ZNF804A: variants seen among roughly 807,000 people sequenced by gnomAD.
ZNF804A encodes zinc finger protein 804A.
ZNF804A carries 2 observed loss-of-function variants against 16.5 expected under a neutral mutation model. The ratio of observed to expected loss-of-function variants is 0.12; its 90% CI spans 0.05 to 0.38. ZNF804A has a LOEUF of 0.38. Among genes scored for constraint, ZNF804A ranks in the 10% least tolerant of loss-of-function variants. The pLI is 0.99. For synonymous variants in ZNF804A, 534 were observed against 489.6 expected, an observed-to-expected ratio of 1.09 and a Z score of -1.20; for missense variants, 1,473 against 1,390.7, an observed-to-expected ratio of 1.06 and a Z score of -0.94.
intron 2 of ZNF804A, among the ~76,000 whole-genome samples, chr2:184,905,630 ATGTT>A (rs1685259278): frequency 6.6e-6 from 1 of 152,084 alleles, no homozygotes; most frequent in Non-Finnish European, 1.5e-5. Flanking sequence ...GCTATAATAT[ATGTT>A]TGTTTCCAAT....
In ZNF804A at chr2:184,859,683, T is replaced by G. The variant is rs147612047; in HGVS notation, c.112-6686T>G. Among the ~76,000 whole-genome samples, 396 of 152,332 alleles carry G rather than the reference T, an allele frequency of 2.6e-3. 2 individuals carry two copies. The highest frequency in any genetic ancestry group is 9.1e-3 in the African/African-American group (377 of 41,570). On this transcript the variant is annotated intron_variant, in intron 1 of 3. Transcript: ENST00000302277. ...TTGGTTTTTCATGGTTCTTATTGCCTTACGTTGATGTGTATGCATTAGAAA... is the reference window on the plus strand; with the variant it reads ...TTGGTTTTTCATGGTTCTTATTGCCGTACGTTGATGTGTATGCATTAGAAA...
intron 1 of ZNF804A, among the ~76,000 whole-genome samples, chr2:184,818,740 AG>A (rs2105789953): frequency 6.6e-6 from 1 of 152,216 alleles, no homozygotes; most frequent in East Asian, 1.9e-4. Context: ...AACAAAAAGC[AG>A]GAGTTGCAAT....
At chr2:184,718,459 G>A (rs1011384897) in intron 1 of ZNF804A, among the ~76,000 whole-genome samples, 5 of 152,050 alleles carry the variant, frequency 3.3e-5, no homozygotes, top group African/African-American at 1.2e-4. Flanking sequence ...AAAGTCCATA[G>A]CCCAAAGACT....
Position 184,849,357 on chromosome 2 carries a change from C to G in ZNF804A, c.112-17012C>G, listed in dbSNP as rs570872422. On this transcript the variant is annotated intron_variant, in intron 1 of 3. Coordinates refer to ENST00000302277, the MANE Select transcript of ZNF804A (RefSeq NM_194250.2). The stretch of plus-strand genomic sequence containing the variant: ...CAGTCAGAAAGGTGACAAAAGCAAA[C>G]TTTGGGGAAATGACAGTCTCTTAAG... Among the ~76,000 whole-genome samples the G allele has an allele frequency of 1.1e-3, 171 of 152,036 alleles. 2 individuals carry two copies. The highest frequency in any genetic ancestry group is 3.9e-3 in the Admixed American group (59 of 15,218).
At chr2:184,880,620 T>C (rs1684796425) in intron 2 of ZNF804A, among the ~76,000 whole-genome samples, 1 of 152,114 alleles carries the variant, frequency 6.6e-6, no homozygotes, top group Non-Finnish European at 1.5e-5. Flanking sequence ...AGATCTCATG[T>C]TTCTTAGTCT....
At chr2:184,930,073 T>G (rs1685671891) in intron 2 of ZNF804A, among the ~76,000 whole-genome samples, 1 of 152,140 alleles carries the variant, frequency 6.6e-6, no homozygotes, top group South Asian at 2.1e-4. Flanking sequence ...GTAAAAATAT[T>G]TTCTTTAATT....
chr2:184,933,834 C>A, intron 3 of ZNF804A, 101 bp downstream of exon 3: 1 of 1,220,304 alleles, frequency 8.2e-7, no homozygotes, highest in Non-Finnish European at 1.1e-6. Flanking sequence ...ATTACTGTAC[C>A]CAGAATAAGG....
At position 184,938,741 on chromosome 2, in the gene ZNF804A, A is replaced by T. The variant is rs768529706; in HGVS notation, c.3345A>T (p.Ala1115=). ...QHAAAAAAAA[A]AAAAGTFKVL... is the part of the protein sequence containing the mutation. ...CTGCAGCTGCTGCAGCTGCAGCTGCAGCCGCAGCTGCAGGAACCTTTAAAG... is the reference window on the plus strand; with the variant it reads ...CTGCAGCTGCTGCAGCTGCAGCTGCTGCCGCAGCTGCAGGAACCTTTAAAG... Residue 1115 remains alanine, a synonymous_variant, in exon 4 of 4, where the codon GCA becomes GCT. Transcript: ENST00000302277. The T allele has an allele frequency of 4.4e-6, 7 of 1,608,136 alleles. No homozygotes were observed. Among genetic ancestry groups the T allele is most frequent in the Non-Finnish European group, 5.9e-6 (7 of 1,177,214 alleles).
chr2:184,832,626 C>A (rs973035293), intron 1 of ZNF804A, among the ~76,000 whole-genome samples: 1 of 151,766 alleles, frequency 6.6e-6, no homozygotes, highest in African/African-American at 2.4e-5. Flanking sequence ...TATGAAAGAT[C>A]TTCTCTTATT....
chr2:184,920,076 C>T (rs1685506965), intron 2 of ZNF804A, among the ~76,000 whole-genome samples: 1 of 152,132 alleles, frequency 6.6e-6, no homozygotes, highest in African/African-American at 2.4e-5. Context: ...GATTGCACCA[C>T]TGCACTCCAG....
intron 1 of ZNF804A, among the ~76,000 whole-genome samples, chr2:184,613,064 C>T (rs1691263718): frequency 2.6e-5 from 4 of 152,354 alleles, no homozygotes; most frequent in Middle Eastern, 3.4e-3. Context: ...ATTTGCCTTT[C>T]AGGCATCCAA....
intron 1 of ZNF804A, among the ~76,000 whole-genome samples, chr2:184,810,332 A>C (rs1426134899): frequency 6.6e-6 from 1 of 152,134 alleles, no homozygotes; most frequent in Non-Finnish European, 1.5e-5. Context: ...TTAACAAATC[A>C]ATTATATGTG....
chr2:184,915,761 G>T (rs1202026572), intron 2 of ZNF804A, among the ~76,000 whole-genome samples: 1 of 152,136 alleles, frequency 6.6e-6, no homozygotes, highest in African/African-American at 2.4e-5. Context: ...AGGCCTTGGG[G>T]AAAGATATTG....
At chr2:184,690,667 C>T (rs1037678203) in intron 1 of ZNF804A, among the ~76,000 whole-genome samples, 2 of 151,982 alleles carry the variant, frequency 1.3e-5, no homozygotes, top group African/African-American at 4.8e-5. Flanking sequence ...TACTGAATGT[C>T]ACCTTTATGA....
chr2:184,627,559 T>A (rs1286512522), intron 1 of ZNF804A, among the ~76,000 whole-genome samples: 1 of 152,210 alleles, frequency 6.6e-6, no homozygotes, highest in Non-Finnish European at 1.5e-5. Flanking sequence ...CTACCCACAC[T>A]GCACTAGTTT....
chr2:184,659,259 T>TAG (rs1280782708), intron 1 of ZNF804A, among the ~76,000 whole-genome samples: 1 of 152,156 alleles, frequency 6.6e-6, no homozygotes, highest in Non-Finnish European at 1.5e-5. Flanking sequence ...GCTGGACTGA[T>TAG]TGCTGAAGCA....
At chr2:184,805,866 G>A (rs1186757575) in intron 1 of ZNF804A, among the ~76,000 whole-genome samples, 2 of 151,916 alleles carry the variant, frequency 1.3e-5, no homozygotes, top group African/African-American at 4.8e-5. Context: ...CAGGAAGTAA[G>A]TCTGTTATAA....
intron 1 of ZNF804A, among the ~76,000 whole-genome samples, chr2:184,740,755 A>G (rs909488802): frequency 2.0e-4 from 30 of 152,162 alleles, no homozygotes; most frequent in African/African-American, 7.2e-4. Context: ...GTTGAAAGTC[A>G]TGAAGTCGAT....
chr2:184,618,866 G>A (rs1020984237), intron 1 of ZNF804A, among the ~76,000 whole-genome samples: 2 of 152,046 alleles, frequency 1.3e-5, no homozygotes, highest in African/African-American at 2.4e-5. Flanking sequence ...TGCAGTACAC[G>A]TTTATAGAGA....
Sources: gnomAD v4.1 joint callset for allele counts (sites outside exome capture counted in the v4.1 genomes callset) on GRCh38, gnomAD v4.1.1 for gene constraint, MANE v1.5 for transcripts, NCBI Gene and HGNC (gene_info 2026-07-23, HGNC 2026-07-21) for gene names.